The following DLC1 variants were observed in gnomAD, a reference collection of about 807,000 sequenced individuals.
The protein encoded by DLC1 is DLC1 Rho GTPase activating protein.
DLC1 carries 54 observed loss-of-function variants against 140.3 expected under a neutral mutation model. The ratio of observed to expected loss-of-function variants is 0.38; its 90% CI spans 0.31 to 0.48. The LOEUF is 0.48. Ranked by LOEUF, DLC1 falls within the 20% of genes least tolerant of loss-of-function variation. DLC1 has a pLI of 0.96. For missense variants in DLC1, 2,536 were observed against 1,907.0 expected (o/e 1.33, Z -6.14); for synonymous variants, 986 against 728.1 (o/e 1.35, Z -5.70).
chr8:13,571,696 T>C (rs1424297419), intron 1 of DLC1, among the ~76,000 whole-genome samples: 1 of 152,224 alleles, frequency 6.6e-6, no homozygotes, highest in Non-Finnish European at 1.5e-5. Context: ...TTTGTGCACC[T>C]GCTTTCGATT....
intron 1 of DLC1, among the ~76,000 whole-genome samples, chr8:13,530,454 T>C (rs1400518769): frequency 2.6e-5 from 4 of 152,206 alleles, no homozygotes; most frequent in Admixed American, 2.6e-4. Flanking sequence ...TTTCTGGTTT[T>C]TGCTTTCATT....
intron 4 of DLC1, among the ~76,000 whole-genome samples, chr8:13,333,515 T>G (rs552965867): frequency 6.6e-6 from 1 of 152,164 alleles, no homozygotes; most frequent in South Asian, 2.1e-4. Flanking sequence ...TCCCAATATG[T>G]GGGGATCAAC....
chr8:13,178,923 A>G (rs970870420), intron 5 of DLC1, among the ~76,000 whole-genome samples: 2 of 152,226 alleles, frequency 1.3e-5, no homozygotes, highest in African/African-American at 4.8e-5. Context: ...CCGAATACCA[A>G]TTTACCAAAT....
chr8:13,236,815 T>A (rs917288723), intron 5 of DLC1, among the ~76,000 whole-genome samples: 1 of 152,238 alleles, frequency 6.6e-6, no homozygotes, highest in African/African-American at 2.4e-5. Flanking sequence ...AAGGGTGAAT[T>A]TGCTACTTGC....
intron 2 of DLC1, among the ~76,000 whole-genome samples, chr8:13,459,759 A>T (rs573277649): frequency 6.0e-4 from 92 of 152,354 alleles, no homozygotes; most frequent in Non-Finnish European, 1.2e-3. Context: ...TTTTAGAAAA[A>T]AAAGGAAATG....
chr8:13,119,149 G>C (rs1420760952), intron 5 of DLC1, among the ~76,000 whole-genome samples: 1 of 150,518 alleles, frequency 6.6e-6, no homozygotes, highest in East Asian at 2.0e-4. Context: ...GGACCTACTT[G>C]AGCCAGAGGT....
chr8:13,428,890 T>G (rs1373012107), intron 2 of DLC1, among the ~76,000 whole-genome samples: 1 of 152,178 alleles, frequency 6.6e-6, no homozygotes, highest in Admixed American at 6.5e-5. Flanking sequence ...AGAAGAGACC[T>G]AAGTAGACTC....
intron 5 of DLC1, among the ~76,000 whole-genome samples, chr8:13,285,821 G>C (rs2117442424): frequency 6.6e-6 from 1 of 152,170 alleles, no homozygotes; most frequent in East Asian, 1.9e-4. Context: ...ATATATCTTT[G>C]TACAAACGCC....
intron 5 of DLC1, among the ~76,000 whole-genome samples, chr8:13,230,073 C>G (rs1828975609): frequency 6.6e-6 from 1 of 152,174 alleles, no homozygotes; most frequent in Non-Finnish European, 1.5e-5. Context: ...AACTTTGTTG[C>G]TCTTCCTAAT....
chr8:13,531,046 AGAG>A (rs1354254171), intron 1 of DLC1, among the ~76,000 whole-genome samples: 8 of 152,116 alleles, frequency 5.3e-5, no homozygotes, highest in Non-Finnish European at 1.2e-4. Flanking sequence ...CTTCATATGA[AGAG>A]GAGGAGATCC....
intron 1 of DLC1, among the ~76,000 whole-genome samples, chr8:13,508,070 G>A (rs1306170268): frequency 6.6e-6 from 1 of 152,178 alleles, no homozygotes; most frequent in South Asian, 2.1e-4. Context: ...CATGAGAAAA[G>A]AGCAGGGTGT....
At chr8:13,381,723 T>C (rs1285739264) in intron 4 of DLC1, among the ~76,000 whole-genome samples, 1 of 152,134 alleles carries the variant, frequency 6.6e-6, no homozygotes, top group Non-Finnish European at 1.5e-5. Context: ...GACCCTGTCC[T>C]AAAACTGCTT....
At chr8:13,259,622 T>C (rs1238673690) in intron 5 of DLC1, among the ~76,000 whole-genome samples, 2 of 152,184 alleles carry the variant, frequency 1.3e-5, no homozygotes, top group Non-Finnish European at 2.9e-5. Context: ...CTTTTCCACC[T>C]GCCCTACTTA....
intron 4 of DLC1, among the ~76,000 whole-genome samples, chr8:13,379,992 A>C (rs1836177704): frequency 6.6e-6 from 1 of 152,192 alleles, no homozygotes. Context: ...TCTTAATCCC[A>C]GAAAGCTGCT....
chr8:13,440,284 A>G (rs1798447065), intron 2 of DLC1, among the ~76,000 whole-genome samples: 1 of 152,210 alleles, frequency 6.6e-6, no homozygotes, highest in African/African-American at 2.4e-5. Context: ...AAAGTGATTT[A>G]ATGGTCTCTG....
In DLC1 at chr8:13,090,415, G is replaced by C; in HGVS notation, c.3911C>G (p.Pro1304Arg). 2 of 1,614,142 alleles carry C rather than the reference G, an allele frequency of 1.2e-6. No individual in the cohort carries two copies. The highest frequency in any genetic ancestry group is 1.7e-6 in the Non-Finnish European group (2 of 1,180,024). The change falls in exon 15 of 18, where the codon CCC becomes CGC. Residue 1304 changes from proline (P) to arginine (R), a missense_variant. Coordinates refer to ENST00000276297, the MANE Select transcript of DLC1 (RefSeq NM_182643.3). ...GTGCCCGAGTGCTTCCAGAGTGAGG[G>C]GCTTCAGCTCTTGTTCGGTATAGGA... ...RNSYTEQELK[P>R]LTLEALGHLG...
intron 5 of DLC1, chr8:13,116,212 G>A: frequency 1.0e-6 from 1 of 985,450 alleles, no homozygotes; most frequent in Non-Finnish European, 1.2e-6. Context: ...AGAGGCCCAG[G>A]CTGTCAAGGA....
chr8:13,416,157 T>G (rs1838047501), intron 2 of DLC1, among the ~76,000 whole-genome samples: 1 of 152,336 alleles, frequency 6.6e-6, no homozygotes. Context: ...GTTATTCTTC[T>G]CTGGACTTAT....
At chr8:13,108,308 T>A (rs1444430958) in intron 7 of DLC1, among the ~76,000 whole-genome samples, 1 of 152,174 alleles carries the variant, frequency 6.6e-6, no homozygotes, top group African/African-American at 2.4e-5. Context: ...TGGGGCCTGA[T>A]AATTTAATTT....
Sources: allele counts gnomAD v4.1 joint callset (sites outside exome capture counted in the v4.1 genomes callset), GRCh38; gene constraint gnomAD v4.1.1; transcripts MANE v1.5; gene names NCBI Gene and HGNC (gene_info 2026-07-23, HGNC 2026-07-21).